Variants in OSTF1 observed in about 807,000 individuals in gnomAD.
The protein encoded by OSTF1 is osteoclast-stimulating factor 1.
In OSTF1, 27 loss-of-function variants were observed where a neutral mutation model predicts 37.2. The observed-to-expected ratio is 0.73, with a 90% CI of 0.54 to 1.00. OSTF1 has a LOEUF of 1.00. Among genes scored for constraint, OSTF1 ranks in the 50% least tolerant of loss-of-function variants. The pLI, the probability that OSTF1 is intolerant of heterozygous loss-of-function variation, is 0.00. For synonymous variants in OSTF1, 82 were observed against 89.2 expected (o/e 0.92, Z 0.46); for missense variants, 232 against 253.8 (o/e 0.91, Z 0.58).
intron 9 of OSTF1, among the ~76,000 whole-genome samples, chr9:75,142,463 G>T (rs1243862424): frequency 6.6e-6 from 1 of 152,104 alleles, no homozygotes; most frequent in Non-Finnish European, 1.5e-5. Context: ...GGCTTCTTAT[G>T]ACCTGAAGGT....
intron 1 of OSTF1, among the ~76,000 whole-genome samples, chr9:75,106,444 A>C (rs930279353): frequency 2.7e-4 from 41 of 152,146 alleles, no homozygotes; most frequent in African/African-American, 9.4e-4. Flanking sequence ...CAGGAGTTCA[A>C]GATCAGCCTG....
At chr9:75,109,758 A>G (rs1264534000) in intron 1 of OSTF1, among the ~76,000 whole-genome samples, 1 of 152,242 alleles carries the variant, frequency 6.6e-6, no homozygotes, top group African/African-American at 2.4e-5. Flanking sequence ...GTCTCAAGGC[A>G]TGTTAAGACT....
chr9:75,128,386 A>T (rs1167113494), intron 3 of OSTF1, among the ~76,000 whole-genome samples: 2,314 of 86,216 alleles, frequency 0.027, 401 homozygotes, highest in African/African-American at 0.04. Flanking sequence ...ATATATATAT[A>T]TATATATATA....
intron 3 of OSTF1, among the ~76,000 whole-genome samples, chr9:75,129,433 C>T (rs1265343570): frequency 1.3e-5 from 2 of 152,136 alleles, no homozygotes; most frequent in African/African-American, 2.4e-5. Context: ...TAGAATGTCA[C>T]CATCTTGCAG....
chr9:75,136,606 G>T (rs933816461), intron 7 of OSTF1, among the ~76,000 whole-genome samples: 1 of 152,108 alleles, frequency 6.6e-6, no homozygotes, highest in East Asian at 1.9e-4. Context: ...TAGCCAGGCT[G>T]GTCTCGAACT....
At position 75,146,826 on chromosome 9, in the gene OSTF1, T is replaced by C. The variant is rs1826033573; in HGVS notation, c.*85T>C. The C allele has an allele frequency of 8.4e-6, 8 of 946,954 alleles. No individual in the cohort carries two copies. The Admixed American group carries it at 1.8e-4, about 21-fold the overall frequency. 58.7% of individuals were successfully genotyped at this position (946,954 alleles called of 1,614,324 possible). A position where few individuals can be genotyped will look rare whatever the true frequency, so the allele number is the denominator to read the frequency against. On this transcript the variant is annotated 3_prime_UTR_variant, in exon 10 of 10. Transcript: ENST00000346234. ...TCTTTGCCAGAAAAGTGTTGGTAAC[T>C]ATAAAGAAAATTATATATGAACACG...
At chr9:75,131,895 T>C (rs1825766718) in intron 5 of OSTF1, 72 bp downstream of exon 5, 3 of 1,079,324 alleles carry the variant, frequency 2.8e-6, no homozygotes, top group South Asian at 1.3e-5. Context: ...CTTTGACAAG[T>C]GCATACACCC....
At chr9:75,102,551 C>T (rs533624429) in intron 1 of OSTF1, among the ~76,000 whole-genome samples, 5 of 152,278 alleles carry the variant, frequency 3.3e-5, no homozygotes, top group African/African-American at 7.2e-5. Flanking sequence ...TTTCTTCCTA[C>T]GGATCTCGAA....
intron 1 of OSTF1, among the ~76,000 whole-genome samples, chr9:75,093,260 T>A (rs1260530961): frequency 1.3e-5 from 2 of 152,182 alleles, no homozygotes; most frequent in Non-Finnish European, 2.9e-5. Context: ...ATAGCATTTA[T>A]GTTGTTTTCA....
In OSTF1 at chr9:75,137,683, CATTTGAA is replaced by C; in HGVS notation, c.487+70_487+76del. The stretch of plus-strand genomic sequence containing the variant: ...AAAAATAGTCTATATCAACTTACGC[CATTTGAA>C]ATGGTAGGAAGAATAATAGTCTTAT... On this transcript the variant is annotated intron_variant, in intron 8 of 9. Transcript: ENST00000346234. 9 of 957,896 alleles carry C rather than the reference CATTTGAA, an allele frequency of 9.4e-6. No individual in the cohort carries two copies. The South Asian group carries it at 1.2e-4, about 13-fold the overall frequency. 59.3% of individuals were successfully genotyped at this position (957,896 alleles called of 1,614,324 possible). A position where few individuals can be genotyped will look rare whatever the true frequency, so the allele number is the denominator to read the frequency against.
intron 1 of OSTF1, among the ~76,000 whole-genome samples, chr9:75,099,400 T>C (rs1017421736): frequency 1.3e-5 from 2 of 152,040 alleles, no homozygotes; most frequent in African/African-American, 4.8e-5. Flanking sequence ...TACAGGCATG[T>C]GCTGCCAAGC....
chr9:75,115,342 A>C (rs535332983), intron 1 of OSTF1, among the ~76,000 whole-genome samples: 5 of 152,108 alleles, frequency 3.3e-5, no homozygotes, highest in African/African-American at 1.2e-4. Context: ...CCCAGGCTGG[A>C]GTGTAGTGGC....
chr9:75,133,561 C>T (rs1328365226), intron 6 of OSTF1, among the ~76,000 whole-genome samples, 160 bp downstream of exon 6: 1 of 152,218 alleles, frequency 6.6e-6, no homozygotes, highest in African/African-American at 2.4e-5. Flanking sequence ...CTCTGTAGAA[C>T]AGTGGGTAGA....
chr9:75,126,223 T>C (rs1235519479), intron 2 of OSTF1, among the ~76,000 whole-genome samples: 1 of 152,206 alleles, frequency 6.6e-6, no homozygotes, highest in Non-Finnish European at 1.5e-5. Flanking sequence ...CTGGATGAAG[T>C]AATTTGTTTC....
At chr9:75,093,696 G>GA in intron 1 of OSTF1, among the ~76,000 whole-genome samples, 1 of 151,732 alleles carries the variant, frequency 6.6e-6, no homozygotes, top group East Asian at 1.9e-4. Flanking sequence ...ACATTTTTGA[G>GA]AAAAAAAGGT....
At position 75,146,726 on chromosome 9, in the gene OSTF1, T is replaced by C. The variant is rs2146044; in HGVS notation, c.630T>C (p.Asp210=). 0.11 allele frequency: 171,473 copies of C among 1,606,816 alleles called. 9,875 individuals carry two copies. Among genetic ancestry groups the C allele is most frequent in the Middle Eastern group, 0.14 (865 of 6,048 alleles). Residue 210 remains aspartate (D), a synonymous_variant, in exon 10 of 10, where the codon GAT becomes GAC. Transcript: ENST00000346234. ...GCAATGCCGAGGACTATCTCGATGA[T>C]GAAGACTCAGATTAATTCCTTTCTG... ...TLSNAEDYLD[D]EDSD
At chr9:75,115,390 C>T (rs1040830460) in intron 1 of OSTF1, among the ~76,000 whole-genome samples, 1 of 152,118 alleles carries the variant, frequency 6.6e-6, no homozygotes, top group African/African-American at 2.4e-5. Flanking sequence ...CTCCTGGGTT[C>T]AGGCTATTCT....
chr9:75,108,613 T>C (rs1215299573), intron 1 of OSTF1, among the ~76,000 whole-genome samples: 4 of 152,174 alleles, frequency 2.6e-5, no homozygotes, highest in Non-Finnish European at 5.9e-5. Context: ...GAGAGTGTGA[T>C]TGCTAGTAAT....
chr9:75,140,612 G>A (rs1825926168), intron 8 of OSTF1, among the ~76,000 whole-genome samples: 1 of 152,164 alleles, frequency 6.6e-6, no homozygotes, highest in Non-Finnish European at 1.5e-5. Flanking sequence ...GGACTCAAAA[G>A]GTTCGGAATT....
Sources: allele counts gnomAD v4.1 joint callset (sites outside exome capture counted in the v4.1 genomes callset), GRCh38; gene constraint gnomAD v4.1.1; transcripts MANE v1.5; gene names NCBI Gene and HGNC (gene_info 2026-07-23, HGNC 2026-07-21).